RELN: variants seen among roughly 807,000 people sequenced by gnomAD.
RELN encodes reelin.
RELN carries 108 observed loss-of-function variants against 427.6 expected under a neutral mutation model. The ratio of observed to expected loss-of-function variants is 0.25; its 90% CI spans 0.22 to 0.30. The LOEUF (loss-of-function observed/expected upper bound fraction) is 0.30. Ranked by LOEUF, RELN falls within the 10% of genes least tolerant of loss-of-function variation. The pLI is 1.00. For synonymous variants in RELN, 1,524 were observed against 1,513.4 expected (o/e 1.01, Z -0.16); for missense variants, 3,715 against 4,302.8 (o/e 0.86, Z 3.82).
At position 103,648,680 on chromosome 7, in the gene RELN, A is replaced by C. The variant is rs192350812; in HGVS notation, c.2002+1594T>G. On this transcript the variant is annotated intron_variant, in intron 16 of 64. Coordinates refer to ENST00000428762, the MANE Select transcript of RELN (RefSeq NM_005045.4). ...CTACAGATTGGGAGAAAATATCTGCAAACTATGCATCTGAGAAGGGACTAA... is the reference window on the plus strand; with the variant it reads ...CTACAGATTGGGAGAAAATATCTGCCAACTATGCATCTGAGAAGGGACTAA... Among the ~76,000 whole-genome samples, 117 of 152,252 alleles carry C rather than the reference A, an allele frequency of 7.7e-4. 1 individual carries two copies. Among genetic ancestry groups the C allele is most frequent in the African/African-American group, 2.8e-3 (115 of 41,564 alleles).
intron 6 of RELN, among the ~76,000 whole-genome samples, chr7:103,732,724 T>A (rs993776741): frequency 6.6e-6 from 1 of 152,148 alleles, no homozygotes; most frequent in Non-Finnish European, 1.5e-5. Flanking sequence ...AATGCATAAG[T>A]GCTCTTTCAG....
intron 2 of RELN, among the ~76,000 whole-genome samples, chr7:103,861,899 A>G (rs1254009733): frequency 2.0e-5 from 3 of 152,188 alleles, no homozygotes; most frequent in Non-Finnish European, 2.9e-5. Flanking sequence ...AAGATCAACT[A>G]CAGGGTTTAT....
At chr7:103,774,424 A>G (rs1371222748) in intron 4 of RELN, among the ~76,000 whole-genome samples, 3 of 152,200 alleles carry the variant, frequency 2.0e-5, no homozygotes, top group Admixed American at 6.5e-5. Context: ...TTAGCAAGCA[A>G]TACAGTCTTG....
rs571140314 is a variant in RELN at position 103,486,017 on chromosome 7, C to T, written c.9983+180G>A. On this transcript the variant is annotated intron_variant, in intron 61 of 64. Coordinates refer to ENST00000428762, the MANE Select transcript of RELN (RefSeq NM_005045.4). ...AAAGCAATTCTCTAATAAATTTAAG[C>T]GAAACATAATTCTGAGTTGTGAAAC... 1.3e-4 allele frequency among the ~76,000 whole-genome samples: 19 copies of T among 151,548 alleles called. 1 individual carries two copies. In the South Asian group the frequency reaches 2.1e-3, roughly 17 times the overall value.
rs1484266712 is a variant in RELN at position 103,551,289 on chromosome 7, A to G, written c.6080T>C (p.Val2027Ala). ...ENTIIQFEIN[V>A]GCSTDSSSAD... ...GGATGAGCTATCAGTCGAACAGCCAACGTTGATCTTGGGGATGAAGAAAAA... is the reference window on the plus strand; with the variant it reads ...GGATGAGCTATCAGTCGAACAGCCAGCGTTGATCTTGGGGATGAAGAAAAA... The change falls in exon 41 of 65, where the codon GTT becomes GCT. Residue 2027 changes from valine to alanine, a missense_variant. By Grantham distance (64) the Val-to-Ala change is moderately conservative (BLOSUM62 0). Around this residue, in one of 4 missense-constraint regions of RELN, gnomAD observed 1,310 missense variants for 1,643.0 expected, o/e 0.80. Coordinates refer to ENST00000428762, the MANE Select transcript of RELN (RefSeq NM_005045.4). The G allele has an allele frequency of 2.5e-6, 4 of 1,613,048 alleles. No homozygotes were observed. The South Asian group carries it at 3.3e-5, about 13-fold the overall frequency.
At chr7:103,921,512 C>G (rs1795616770) in intron 1 of RELN, among the ~76,000 whole-genome samples, 1 of 152,000 alleles carries the variant, frequency 6.6e-6, no homozygotes, top group Admixed American at 6.6e-5. Context: ...AGGAAAATAT[C>G]AATATTATCG....
intron 1 of RELN, among the ~76,000 whole-genome samples, chr7:103,983,570 T>C (rs1797035932): frequency 6.6e-6 from 1 of 152,214 alleles, no homozygotes. Flanking sequence ...ACGCTTTTGC[T>C]TAAAGTTGAT....
At chr7:103,766,979 T>C (rs899984287) in intron 4 of RELN, among the ~76,000 whole-genome samples, 5 of 152,360 alleles carry the variant, frequency 3.3e-5, no homozygotes, top group East Asian at 1.9e-4. Context: ...TTGGGGGCAC[T>C]ATAGGGCATG....
intron 36 of RELN, among the ~76,000 whole-genome samples, chr7:103,561,080 T>C (rs362796): frequency 0.035 from 5,299 of 152,224 alleles, 324 homozygotes; most frequent in African/African-American, 0.12. Flanking sequence ...ATATTAACAA[T>C]GTTTGAGAAT....
chr7:103,479,462 A>T (rs1828152599), intron 63 of RELN, among the ~76,000 whole-genome samples: 1 of 152,164 alleles, frequency 6.6e-6, no homozygotes, highest in Non-Finnish European at 1.5e-5. Context: ...GAAAAATATT[A>T]TCTGTCAATT....
At chr7:103,540,874 T>A (rs1241671680) in intron 43 of RELN, among the ~76,000 whole-genome samples, 1 of 152,228 alleles carries the variant, frequency 6.6e-6, no homozygotes. Context: ...ATGTAATTAA[T>A]GTAGTGTATG....
At chr7:103,805,458 T>C (rs1792575468) in intron 3 of RELN, among the ~76,000 whole-genome samples, 1 of 149,332 alleles carries the variant, frequency 6.7e-6, no homozygotes, top group Admixed American at 6.8e-5. Context: ...TTTGTAAAAC[T>C]GTCATTAAAA....
At position 103,620,183 on chromosome 7, in the gene RELN, C is replaced by T. The variant is rs1228654456; in HGVS notation, c.2703-8380G>A. Among the ~76,000 whole-genome samples the T allele has an allele frequency of 6.6e-6, 1 of 152,144 alleles. No homozygotes were observed. Among genetic ancestry groups the T allele is most frequent in the Non-Finnish European group, 1.5e-5 (1 of 68,026 alleles). ...AACTGATGATTTTATAAGGCTTTTG[C>T]TTGACTCTCATTTTGTCTCATCTGC... On this transcript the variant is annotated intron_variant, in intron 20 of 64. Coordinates refer to ENST00000428762, the MANE Select transcript of RELN (RefSeq NM_005045.4). The surrounding 1 kb of genome is among the most constrained non-coding windows in gnomAD (Gnocchi z 4.1).
At chr7:103,638,549 A>G (rs920357858) in intron 17 of RELN, among the ~76,000 whole-genome samples, 7 of 152,194 alleles carry the variant, frequency 4.6e-5, no homozygotes, top group Non-Finnish European at 1.5e-5. Flanking sequence ...TATTACATAT[A>G]CATTTCTTTT....
At chr7:103,646,565 A>G (rs77515424) in intron 16 of RELN, among the ~76,000 whole-genome samples, 6,134 of 152,062 alleles carry the variant, frequency 0.04, 165 homozygotes, top group East Asian at 0.14. Flanking sequence ...CCTAAGATTG[A>G]AGCAGGAAGA....
In RELN at chr7:103,654,108, G is replaced by A; in HGVS notation, c.1539C>T (p.Ser513=). Residue 513 remains serine, a synonymous_variant, in exon 13 of 65, where the codon TCC becomes TCT. Transcript: ENST00000428762. The part of the protein sequence containing the change: ...RKEHITLDTL[S]YSSYKVPSLV... ...GCATGTGTACCTTATATGAGGAATA[G>A]GAAAGGGTATCCAGTGTTATATGCT... The A allele has an allele frequency of 6.3e-7, 1 of 1,580,528 alleles. No individual in the cohort carries two copies. Among genetic ancestry groups the A allele is most frequent in the Non-Finnish European group, 8.7e-7 (1 of 1,150,030 alleles).
intron 31 of RELN, 91 bp downstream of exon 31, chr7:103,572,093 T>C: frequency 1.3e-6 from 1 of 766,928 alleles, no homozygotes; most frequent in Non-Finnish European, 2.4e-6. Context: ...GGGTAATGTA[T>C]CAGTTTTCAA....
chr7:103,612,330 C>T (rs1458402092), intron 20 of RELN, among the ~76,000 whole-genome samples: 8 of 143,288 alleles, frequency 5.6e-5, no homozygotes, highest in South Asian at 2.2e-4. Flanking sequence ...TTTTTTGAGA[C>T]GGAGTTTTGA....
chr7:103,707,086 A>G (rs1834219182), intron 8 of RELN, among the ~76,000 whole-genome samples: 1 of 152,064 alleles, frequency 6.6e-6, no homozygotes, highest in Non-Finnish European at 1.5e-5. Context: ...AGATCCTCTC[A>G]CCCCAGCCTT....
Sources: allele counts gnomAD v4.1 joint callset (sites outside exome capture counted in the v4.1 genomes callset), GRCh38; gene constraint gnomAD v4.1.1; regional missense constraint gnomAD v4.1.1; non-coding constraint Gnocchi (gnomAD v3.1); transcripts MANE v1.5; gene names NCBI Gene and HGNC (gene_info 2026-07-23, HGNC 2026-07-21).